LAMA3: variants seen among roughly 807,000 people sequenced by gnomAD.
The protein encoded by LAMA3 is laminin subunit alpha-3.
Under a neutral mutation model 402.0 loss-of-function variants are expected in LAMA3, and 281 were observed. The ratio of observed to expected loss-of-function variants is 0.70; its 90% CI spans 0.63 to 0.77. LAMA3 has a LOEUF of 0.77. Ranked by LOEUF, LAMA3 falls within the 30% of genes least tolerant of loss-of-function variation. The pLI is 0.00. For synonymous variants in LAMA3, 1,431 were observed against 1,558.4 expected (o/e 0.92, Z 1.93); for missense variants, 3,840 against 4,215.5 (o/e 0.91, Z 2.47).
At chr18:23,873,504 C>T (rs1339387456) in intron 38 of LAMA3, among the ~76,000 whole-genome samples, 2 of 152,146 alleles carry the variant, frequency 1.3e-5, no homozygotes, top group African/African-American at 4.8e-5. Context: ...CCTTTAGAGA[C>T]CATCCCAAGC....
Position 23,939,427 on chromosome 18 carries a change from T to C in LAMA3, c.9026+41T>C, listed in dbSNP as rs1179401244. 4 of 1,600,844 alleles carry C rather than the reference T, an allele frequency of 2.5e-6. No homozygotes were observed. In the East Asian group the frequency reaches 8.9e-5, roughly 36 times the overall value. On this transcript the variant is annotated intron_variant, in intron 68 of 74. Transcript: ENST00000313654. ...CCTGCCCCAGCACCAGCTCAGAACC[T>C]GACTCTGCGATTCCACCTCAGGGAA...
intron 67 of LAMA3, among the ~76,000 whole-genome samples, chr18:23,935,990 C>T (rs1412791634): frequency 2.6e-5 from 4 of 151,904 alleles, no homozygotes; most frequent in Admixed American, 6.6e-5. Context: ...CTGGGACTCA[C>T]GGGTGCAAGA....
intron 2 of LAMA3, among the ~76,000 whole-genome samples, chr18:23,738,255 T>C (rs1368572113): frequency 1.3e-5 from 2 of 151,522 alleles, no homozygotes; most frequent in Non-Finnish European, 2.9e-5. Flanking sequence ...TTCTTTGGGA[T>C]GGGAGAGACA....
Position 23,819,978 on chromosome 18 carries a change from C to A in LAMA3, c.2285C>A (p.Ala762Asp). 1 of 1,614,068 alleles carries A rather than the reference C, an allele frequency of 6.2e-7. No individual in the cohort carries two copies. Among genetic ancestry groups the A allele is most frequent in the South Asian group, 1.1e-5 (1 of 91,078 alleles). Residue 762 changes from alanine (A) to aspartate (D), a missense_variant, in exon 19 of 75, where the codon GCC (alanine) becomes GAC (aspartate). Coordinates refer to ENST00000313654, the MANE Select transcript of LAMA3 (RefSeq NM_198129.4). ...CCTGAGTTTAGCTGGAGAGGATATG[C>A]CCAAATGACCTCAGTACAGGTACGC... is the stretch of plus-strand genomic sequence containing the variant. ...AFPEFSWRGYAQMTSVQNDVR... is the reference protein window; with the variant it reads ...AFPEFSWRGYDQMTSVQNDVR...
intron 6 of LAMA3, among the ~76,000 whole-genome samples, 194 bp downstream of exon 6, chr18:23,754,006 C>T (rs561219488): frequency 1.3e-5 from 2 of 152,048 alleles, no homozygotes; most frequent in Non-Finnish European, 2.9e-5. Flanking sequence ...CCTATAGGCC[C>T]TGGCAGACAC....
chr18:23,750,123 T>A (rs987125455), intron 4 of LAMA3, among the ~76,000 whole-genome samples: 1 of 152,104 alleles, frequency 6.6e-6, no homozygotes, highest in Non-Finnish European at 1.5e-5. Flanking sequence ...AGAGAAAAAA[T>A]TGCTGTCCCT....
intron 7 of LAMA3, among the ~76,000 whole-genome samples, chr18:23,763,112 C>G (rs534948477): frequency 6.6e-6 from 1 of 152,198 alleles, no homozygotes; most frequent in East Asian, 1.9e-4. Context: ...TCCGCCTAGG[C>G]CTCCCAAAGT....
At chr18:23,904,489 G>A in intron 50 of LAMA3, 64 bp from the exon 51 acceptor site, 2 of 1,489,088 alleles carry the variant, frequency 1.3e-6, no homozygotes, top group Non-Finnish European at 1.8e-6. Context: ...GGAAAGGTTT[G>A]GGGGGATGTC....
chr18:23,746,748 T>G (rs1159539485), intron 2 of LAMA3, among the ~76,000 whole-genome samples: 1 of 152,000 alleles, frequency 6.6e-6, no homozygotes, highest in Non-Finnish European at 1.5e-5. Flanking sequence ...AAACAAAAGT[T>G]TTTTTAGGTC....
At chr18:23,809,893 C>T (rs1276385728) in intron 12 of LAMA3, among the ~76,000 whole-genome samples, 1 of 152,030 alleles carries the variant, frequency 6.6e-6, no homozygotes, top group Admixed American at 6.5e-5. Flanking sequence ...TATGGAATAT[C>T]AAGTGGGATA....
At position 23,774,785 on chromosome 18, in the gene LAMA3, A is replaced by G. The variant is rs1011588886; in HGVS notation, c.1274-1007A>G. ...GTCCAGGGAATATGTAGATGGATTTACTTCTCTCTAGGGCATTCTTAGTTG... is the reference window on the plus strand; with the variant it reads ...GTCCAGGGAATATGTAGATGGATTTGCTTCTCTCTAGGGCATTCTTAGTTG... On this transcript the variant is annotated intron_variant, in intron 9 of 74. Transcript: ENST00000313654. Among the ~76,000 whole-genome samples the G allele has an allele frequency of 5.9e-5, 9 of 152,184 alleles. No individual in the cohort carries two copies. The East Asian group carries it at 1.7e-3, about 29-fold the overall frequency.
At chr18:23,758,555 CCCT>C (rs2061902006) in intron 7 of LAMA3, 44 bp downstream of exon 7, 3 of 1,436,900 alleles carry the variant, frequency 2.1e-6, no homozygotes, top group Non-Finnish European at 2.9e-6. Context: ...GCCTTCTCCC[CCCT>C]CTCCCTGGGG....
chr18:23,756,374 T>TAA (rs776442170), intron 6 of LAMA3, among the ~76,000 whole-genome samples: 1 of 136,338 alleles, frequency 7.3e-6, no homozygotes, highest in Non-Finnish European at 1.6e-5. Context: ...CTCTCATATT[T>TAA]AAAAAAAAAA....
At chr18:23,892,215 C>T (rs1056933676) in intron 42 of LAMA3, among the ~76,000 whole-genome samples, 1 of 152,290 alleles carries the variant, frequency 6.6e-6, no homozygotes. Context: ...CAACATCACG[C>T]ACAGCTTACT....
chr18:23,699,479 C>A (rs1438795917), intron 1 of LAMA3, among the ~76,000 whole-genome samples: 2 of 152,078 alleles, frequency 1.3e-5, no homozygotes, highest in African/African-American at 4.8e-5. Context: ...AGGGAAAAAC[C>A]TGGTTTGAGG....
At chr18:23,862,953 C>CA (rs1048655759) in intron 35 of LAMA3, among the ~76,000 whole-genome samples, 13 of 150,740 alleles carry the variant, frequency 8.6e-5, no homozygotes, top group African/African-American at 2.4e-4. Flanking sequence ...CATGACATGA[C>CA]AGCTGGCTTC....
chr18:23,895,932 C>T (rs2080860788), intron 44 of LAMA3, among the ~76,000 whole-genome samples: 1 of 152,162 alleles, frequency 6.6e-6, no homozygotes, highest in Non-Finnish European at 1.5e-5. Context: ...TATCACTAAG[C>T]ACTGCTTTAG....
chr18:23,909,032 C>A, intron 54 of LAMA3, 121 bp from the exon 55 acceptor site: 2 of 893,050 alleles, frequency 2.2e-6, no homozygotes, highest in Non-Finnish European at 3.7e-6. Context: ...AATTATGACC[C>A]ATCCTGTTCA....
At chr18:23,762,549 A>G (rs2061990304) in intron 7 of LAMA3, among the ~76,000 whole-genome samples, 1 of 151,598 alleles carries the variant, frequency 6.6e-6, no homozygotes, top group South Asian at 2.1e-4. Context: ...AGATCGTGCC[A>G]CTGCACTCCA....
Sources: gnomAD v4.1 joint callset for allele counts (sites outside exome capture counted in the v4.1 genomes callset) on GRCh38, gnomAD v4.1.1 for gene constraint, MANE v1.5 for transcripts, NCBI Gene and HGNC (gene_info 2026-07-23, HGNC 2026-07-21) for gene names.